Variants in IFT25 observed in about 807,000 individuals in gnomAD.
IFT25 encodes intraflagellar transport protein 25 homolog.
chr1:53,923,834 A>C, the IFT25 span: 1 of 897,496 alleles, frequency 1.1e-6, no homozygotes, highest in Non-Finnish European at 1.8e-6. Flanking sequence ...AACTATGACT[A>C]TGGAGATAGG....
At chr1:53,934,699 T>C in the IFT25 span, among the ~76,000 whole-genome samples, 2 of 152,072 alleles carry the variant, frequency 1.3e-5, no homozygotes, top group East Asian at 3.8e-4. Context: ...CCTGAGAACA[T>C]GTAAGTGAAA....
the IFT25 span, among the ~76,000 whole-genome samples, chr1:53,934,939 C>T: frequency 6.6e-6 from 1 of 152,186 alleles, no homozygotes; most frequent in Non-Finnish European, 1.5e-5. Context: ...GCAGAGGTTG[C>T]AGTGAGCTGA....
the IFT25 span, among the ~76,000 whole-genome samples, chr1:53,929,274 C>A: frequency 1.3e-5 from 2 of 152,170 alleles, no homozygotes; most frequent in Non-Finnish European, 2.9e-5. Flanking sequence ...CCTATTAGGC[C>A]CTTTTACACA....
At chr1:53,912,130 C>T in the IFT25 span, among the ~76,000 whole-genome samples, 10 of 152,030 alleles carry the variant, frequency 6.6e-5, no homozygotes, top group Non-Finnish European at 8.8e-5. Flanking sequence ...ACTGTTCCTC[C>T]TAAGTACTAA....
At chr1:53,926,896 A>AT in the IFT25 span, among the ~76,000 whole-genome samples, 37 of 150,492 alleles carry the variant, frequency 2.5e-4, no homozygotes, top group Non-Finnish European at 3.9e-4. Flanking sequence ...CTAATTTTTA[A>AT]TTTTTTTTTG....
chr1:53,945,351 T>A, the IFT25 span, among the ~76,000 whole-genome samples: 1 of 152,210 alleles, frequency 6.6e-6, no homozygotes, highest in Non-Finnish European at 1.5e-5. Flanking sequence ...TTTCGTGGGC[T>A]GGTAGTGGCG....
the IFT25 span, among the ~76,000 whole-genome samples, chr1:53,941,533 T>C: frequency 2.0e-5 from 3 of 152,240 alleles, no homozygotes; most frequent in Non-Finnish European, 2.9e-5. Flanking sequence ...TATATTTTAA[T>C]TTTTTGTGCC....
the IFT25 span, chr1:53,928,671 G>A: frequency 1.2e-5 from 5 of 424,510 alleles, no homozygotes; most frequent in African/African-American, 1.0e-4. Context: ...AGAGCAAGTA[G>A]AGCTTTTCTG....
the IFT25 span, among the ~76,000 whole-genome samples, chr1:53,927,015 G>A: frequency 1.3e-5 from 2 of 152,068 alleles, no homozygotes; most frequent in East Asian, 3.9e-4. Flanking sequence ...ATGAGCCACT[G>A]TGCCCAGGCC....
At chr1:53,940,257 C>A in the IFT25 span, among the ~76,000 whole-genome samples, 2 of 152,060 alleles carry the variant, frequency 1.3e-5, no homozygotes, top group African/African-American at 2.4e-5. Flanking sequence ...AGGTAAGAAA[C>A]CTCTCCCAGG....
At chr1:53,927,124 C>A in the IFT25 span, among the ~76,000 whole-genome samples, 2 of 152,200 alleles carry the variant, frequency 1.3e-5, no homozygotes, top group Admixed American at 1.3e-4. Flanking sequence ...GAGCTAAAAG[C>A]TTGATTATAT....
chr1:53,938,761 T>C, the IFT25 span, among the ~76,000 whole-genome samples: 2 of 152,020 alleles, frequency 1.3e-5, no homozygotes, highest in Non-Finnish European at 2.9e-5. Flanking sequence ...TTCAAGAAAG[T>C]AGTAAGCCAG....
At chr1:53,945,226 G>A in the IFT25 span, among the ~76,000 whole-genome samples, 6 of 152,262 alleles carry the variant, frequency 3.9e-5, no homozygotes, top group Non-Finnish European at 8.8e-5. Flanking sequence ...TTTATAGCTA[G>A]ATGTGTTACG....
chr1:53,926,198 T>G, the IFT25 span, among the ~76,000 whole-genome samples: 376 of 152,068 alleles, frequency 2.5e-3, 3 homozygotes, highest in Middle Eastern at 0.027. Flanking sequence ...TAGATTGGAG[T>G]GTACTGGCAC....
the IFT25 span, among the ~76,000 whole-genome samples, chr1:53,927,342 T>A: frequency 6.6e-6 from 1 of 152,236 alleles, no homozygotes; most frequent in Admixed American, 6.5e-5. Flanking sequence ...AAGATGAATG[T>A]TCCAGTCTCC....
At chr1:53,927,406 G>A in the IFT25 span, among the ~76,000 whole-genome samples, 2 of 152,184 alleles carry the variant, frequency 1.3e-5, no homozygotes, top group African/African-American at 4.8e-5. Flanking sequence ...ACAGGAAGGA[G>A]GCTGGTGTTC....
At chr1:53,940,154 A>G in the IFT25 span, 1 of 862,032 alleles carries the variant, frequency 1.2e-6, no homozygotes, top group Non-Finnish European at 1.9e-6. Flanking sequence ...ACTTTATCTG[A>G]GAAAACGAAG....
the IFT25 span, among the ~76,000 whole-genome samples, chr1:53,938,022 C>G: frequency 3.2e-3 from 486 of 152,328 alleles, 5 homozygotes; most frequent in African/African-American, 0.011. Flanking sequence ...TTAGAAGACA[C>G]GAGTGTCAGT....
At chr1:53,920,118 C>G in the IFT25 span, among the ~76,000 whole-genome samples, 1 of 152,138 alleles carries the variant, frequency 6.6e-6, no homozygotes, top group Non-Finnish European at 1.5e-5. Context: ...TTCTCTAATT[C>G]TATCATATCT....
Sources: allele counts gnomAD v4.1 joint callset (sites outside exome capture counted in the v4.1 genomes callset), GRCh38; gene constraint gnomAD v4.1.1; transcripts MANE v1.5; gene names NCBI Gene and HGNC (gene_info 2026-07-23, HGNC 2026-07-21).